The following MERTK variants were observed in gnomAD, a reference collection of about 807,000 sequenced individuals.
The protein encoded by MERTK is MER proto-oncogene, tyrosine kinase.
In MERTK, 69 loss-of-function variants were observed where a neutral mutation model predicts 99.3. The ratio of observed to expected loss-of-function variants is 0.70; its 90% CI spans 0.57 to 0.85. MERTK has a LOEUF of 0.85. MERTK is among the 40% of genes least tolerant of loss of function. The pLI is 0.00. For missense variants in MERTK, 1,125 were observed against 1,249.4 expected (o/e 0.90, Z 1.50); for synonymous variants, 426 against 467.6 (o/e 0.91, Z 1.15).
chr2:111,997,180 C>T (rs1435375250), intron 9 of MERTK, 143 bp from the exon 10 acceptor site: 4 of 986,638 alleles, frequency 4.1e-6, no homozygotes, highest in Non-Finnish European at 4.9e-6. Context: ...TCTCAGCTTA[C>T]ACAAAGTGAG....
intron 4 of MERTK, among the ~76,000 whole-genome samples, chr2:111,961,756 T>C (rs1290840243): frequency 6.6e-6 from 1 of 152,220 alleles, no homozygotes; most frequent in Non-Finnish European, 1.5e-5. Flanking sequence ...TTCTTTTTTA[T>C]GCACATTTAA....
chr2:111,902,897 G>A (rs1684072266), intron 1 of MERTK, among the ~76,000 whole-genome samples: 1 of 146,876 alleles, frequency 6.8e-6, no homozygotes, highest in Non-Finnish European at 1.5e-5. Context: ...TCCTGCCTCA[G>A]CCTTCCCAGT....
intron 2 of MERTK, among the ~76,000 whole-genome samples, chr2:111,931,031 C>T (rs1684660609): frequency 6.6e-6 from 1 of 152,178 alleles, no homozygotes; most frequent in East Asian, 1.9e-4. Flanking sequence ...GTGGAGCCTT[C>T]TTTGATCTGT....
At chr2:111,899,332 G>GC (rs1347917712) in intron 1 of MERTK, among the ~76,000 whole-genome samples, 1 of 152,126 alleles carries the variant, frequency 6.6e-6, no homozygotes, top group East Asian at 1.9e-4. Context: ...CGACGGGCCA[G>GC]GGGGGGACGG....
chr2:111,909,929 T>A (rs1684210561), intron 1 of MERTK, among the ~76,000 whole-genome samples: 1 of 152,132 alleles, frequency 6.6e-6, no homozygotes, highest in South Asian at 2.1e-4. Flanking sequence ...TACTGGTCAT[T>A]TATCCAAAAG....
chr2:111,922,662 A>C (rs374972257), intron 1 of MERTK, among the ~76,000 whole-genome samples: 2 of 152,208 alleles, frequency 1.3e-5, no homozygotes, highest in African/African-American at 4.8e-5. Flanking sequence ...CTCGATGCCT[A>C]TCAGCTCCTA....
chr2:111,906,118 A>G (rs954980876), intron 1 of MERTK, among the ~76,000 whole-genome samples: 7 of 152,264 alleles, frequency 4.6e-5, no homozygotes, highest in South Asian at 2.1e-4. Context: ...ACAAGATCCA[A>G]TCATCACAGG....
At chr2:111,976,283 C>T (rs1573614153) in intron 7 of MERTK, among the ~76,000 whole-genome samples, 2 of 152,252 alleles carry the variant, frequency 1.3e-5, no homozygotes, top group Non-Finnish European at 1.5e-5. Context: ...TTCATGATGT[C>T]AGCATTCCTT....
intron 4 of MERTK, 152 bp downstream of exon 4, chr2:111,947,719 GC>G: frequency 1.1e-6 from 1 of 916,494 alleles, no homozygotes; most frequent in Non-Finnish European, 1.7e-6. Context: ...AGACGGGAAG[GC>G]AGGTGGGAAT....
At chr2:111,962,129 T>C (rs1351224639) in intron 4 of MERTK, among the ~76,000 whole-genome samples, 1 of 152,200 alleles carries the variant, frequency 6.6e-6, no homozygotes, top group Non-Finnish European at 1.5e-5. Context: ...CTACTGTATG[T>C]CAGATGATGT....
intron 2 of MERTK, chr2:111,940,951 G>T: frequency 1.5e-6 from 1 of 652,594 alleles, no homozygotes; most frequent in Non-Finnish European, 3.0e-6. Flanking sequence ...AAGCCAAACA[G>T]TGAAGTTTCT....
chr2:111,938,439 G>A (rs1179176344), intron 2 of MERTK, among the ~76,000 whole-genome samples: 1 of 151,910 alleles, frequency 6.6e-6, no homozygotes, highest in Admixed American at 6.6e-5. Flanking sequence ...TCCTTTTTTT[G>A]TATTTCTTTT....
intron 4 of MERTK, among the ~76,000 whole-genome samples, chr2:111,956,188 C>T (rs1456235433): frequency 1.3e-5 from 2 of 151,954 alleles, no homozygotes; most frequent in African/African-American, 4.8e-5. Context: ...GTCATGTATC[C>T]CTGGGCAAGT....
intron 3 of MERTK, 93 bp from the exon 4 acceptor site, chr2:111,947,301 A>C: frequency 5.3e-6 from 6 of 1,126,580 alleles, no homozygotes; most frequent in Middle Eastern, 2.1e-4. Flanking sequence ...AAAGAAATCT[A>C]TTGCCAAGTT....
chr2:112,006,586 A>G (rs1010162483), intron 13 of MERTK, among the ~76,000 whole-genome samples: 2 of 152,090 alleles, frequency 1.3e-5, no homozygotes, highest in African/African-American at 4.8e-5. Context: ...TGGGCCTGGA[A>G]CCCACTTTTT....
intron 15 of MERTK, among the ~76,000 whole-genome samples, chr2:112,011,442 A>G (rs868133204): frequency 6.6e-6 from 1 of 152,250 alleles, no homozygotes; most frequent in African/African-American, 2.4e-5. Flanking sequence ...CTCACAAACT[A>G]TTAACCAAAG....
chr2:111,970,302 G>A (rs1238622975), intron 6 of MERTK, among the ~76,000 whole-genome samples: 2 of 151,854 alleles, frequency 1.3e-5, no homozygotes, highest in East Asian at 1.9e-4. Context: ...GACTACAGGC[G>A]GGTGCCACCA....
chr2:111,972,062 C>T (rs1018402782), intron 6 of MERTK, among the ~76,000 whole-genome samples: 22 of 152,222 alleles, frequency 1.4e-4, no homozygotes, highest in Middle Eastern at 6.8e-3. Context: ...CAGAGTTTCG[C>T]GCTTATTGCC....
At chr2:112,026,280 G>A (rs559214748) in intron 18 of MERTK, 5 of 148,174 alleles carry the variant, frequency 3.4e-5, no homozygotes, top group African/African-American at 1.3e-4. Flanking sequence ...TAAAGGAAAA[G>A]AAGTTTCAAA....
Sources: allele counts gnomAD v4.1 joint callset (sites outside exome capture counted in the v4.1 genomes callset), GRCh38; gene constraint gnomAD v4.1.1; transcripts MANE v1.5; gene names NCBI Gene and HGNC (gene_info 2026-07-23, HGNC 2026-07-21).